Variants in FUBP3 observed in about 807,000 individuals in gnomAD.
FUBP3 encodes the protein far upstream element binding protein 3.
Under a neutral mutation model 85.6 loss-of-function variants are expected in FUBP3, and 28 were observed. The observed-to-expected ratio is 0.33, with a 90% CI of 0.24 to 0.45. FUBP3 has a LOEUF of 0.45. Among genes scored for constraint, FUBP3 ranks in the 20% least tolerant of loss-of-function variants. The pLI, the probability that FUBP3 is intolerant of heterozygous loss-of-function variation, is 1.00. For missense variants in FUBP3, 583 were observed against 755.1 expected, an observed-to-expected ratio of 0.77 and a Z score of 2.67; for synonymous variants, 271 against 271.4, an observed-to-expected ratio of 1.00 and a Z score of 0.01.
At chr9:130,587,767 C>G (rs1830417324) in intron 1 of FUBP3, among the ~76,000 whole-genome samples, 1 of 152,118 alleles carries the variant, frequency 6.6e-6, no homozygotes, top group African/African-American at 2.4e-5. Flanking sequence ...GACTCTTTGT[C>G]TTAAGGGTAC....
In FUBP3 at chr9:130,612,426, A is replaced by T. The variant is rs768616631; in HGVS notation, c.225-30A>T. On this transcript the variant is annotated intron_variant, in intron 3 of 18. Transcript: ENST00000319725. The surrounding 1 kb of genome is among the most constrained non-coding windows in gnomAD (Gnocchi z 4.1). Reference sequence around the variant, plus strand: ...ATGGCTGCAAAAGTCTGTATTCTGTATTTTTTTCCAAAATGTTCTTTGTTT... The same window carrying T: ...ATGGCTGCAAAAGTCTGTATTCTGTTTTTTTTTCCAAAATGTTCTTTGTTT... The T allele has an allele frequency of 6.8e-7, 1 of 1,467,740 alleles. No homozygotes were observed. Among genetic ancestry groups the T allele is most frequent in the Non-Finnish European group, 9.5e-7 (1 of 1,052,180 alleles). The allele number at this position is 1,467,740 out of a possible 1,614,324, so 90.9% of individuals were successfully genotyped here.
chr9:130,599,846 G>A (rs1831064856), intron 2 of FUBP3, among the ~76,000 whole-genome samples: 1 of 152,052 alleles, frequency 6.6e-6, no homozygotes, highest in African/African-American at 2.4e-5. Flanking sequence ...AGTAACCAGG[G>A]AGGTGCAGAT....
chr9:130,588,053 A>G (rs1830429400), intron 1 of FUBP3, among the ~76,000 whole-genome samples: 1 of 152,212 alleles, frequency 6.6e-6, no homozygotes, highest in Non-Finnish European at 1.5e-5. Flanking sequence ...CCCATCTCTG[A>G]TGACAACAAT....
Position 130,632,187 on chromosome 9 carries a change from T to G in FUBP3, c.1434-15T>G. 6.2e-7 allele frequency: 1 copy of G among 1,610,490 alleles called. No individual in the cohort carries two copies. The highest frequency in any genetic ancestry group is 8.5e-7 in the Non-Finnish European group (1 of 1,176,700). On this transcript the variant is annotated splice_polypyrimidine_tract_variant and intron_variant, in intron 15 of 18. Coordinates refer to ENST00000319725, the MANE Select transcript of FUBP3 (RefSeq NM_003934.2). ...TGCCCCCTATAGGAACGAGTGACCC[T>G]CTTGTTATCCACAGTGGTCCTCCGG...
Position 130,588,821 on chromosome 9 carries a change from G to A in FUBP3, c.85-6662G>A, listed in dbSNP as rs1830460275. Among the ~76,000 whole-genome samples the A allele has an allele frequency of 3.9e-5, 6 of 152,310 alleles. 1 individual carries two copies. The South Asian group carries it at 1.2e-3, about 32-fold the overall frequency. ...GCCCATGACTCCAAACCTGTCTTAG[G>A]AACTTGTTCTTTGCCACAGGGCTAC... On this transcript the variant is annotated intron_variant, in intron 1 of 18. Coordinates refer to ENST00000319725, the MANE Select transcript of FUBP3 (RefSeq NM_003934.2).
rs758746250 is a variant in FUBP3, at chr9:130,595,542, C to G, written c.144C>G (p.Pro48=). ...ATAATTCCACACCTCTAGTGGACCCCTCAGTATATGGATACGGAGTACAAA... is the reference window on the plus strand; with the variant it reads ...ATAATTCCACACCTCTAGTGGACCCGTCAGTATATGGATACGGAGTACAAA... The part of the protein sequence containing the change: ...HLNNSTPLVD[P]SVYGYGVQKR... Residue 48 remains proline (P), a synonymous_variant, in exon 2 of 19, where the codon CCC becomes CCG. Coordinates refer to ENST00000319725, the MANE Select transcript of FUBP3 (RefSeq NM_003934.2). The G allele has an allele frequency of 3.1e-6, 5 of 1,591,690 alleles. No homozygotes were observed. The African/African-American group carries it at 5.4e-5, about 17-fold the overall frequency.
In FUBP3 at chr9:130,579,630, G is replaced by GCGGCGGCGT. The variant is rs537586454; in HGVS notation, c.-33_-25dup. On this transcript the variant is annotated 5_prime_UTR_variant, in exon 1 of 19. Transcript: ENST00000319725. Reference sequence around the variant, plus strand: ...GCGGGAGGCCGGACCGGGGAGCCGAGCGGCGGCGTCGGCGGCGTCGGCGGC... The same window carrying GCGGCGGCGT: ...GCGGGAGGCCGGACCGGGGAGCCGAGCGGCGGCGTCGGCGGCGTCGGCGGCGTCGGCGGC... 2.1e-4 allele frequency: 233 copies of GCGGCGGCGT among 1,121,110 alleles called. No homozygotes were observed. Among genetic ancestry groups the GCGGCGGCGT allele is most frequent in the Middle Eastern group, 6.6e-4 (2 of 3,014 alleles). 69.4% of individuals were successfully genotyped at this position (1,121,110 alleles called of 1,614,324 possible).
At chr9:130,604,419 CAT>C (rs1290130389) in intron 2 of FUBP3, among the ~76,000 whole-genome samples, 5 of 152,174 alleles carry the variant, frequency 3.3e-5, no homozygotes, top group Non-Finnish European at 5.9e-5. Flanking sequence ...AGTACTTAAA[CAT>C]GTGGACTTCA....
intron 3 of FUBP3, among the ~76,000 whole-genome samples, chr9:130,610,465 T>C (rs1831683731): frequency 6.6e-6 from 1 of 152,136 alleles, no homozygotes; most frequent in African/African-American, 2.4e-5. Context: ...CCTTCCGAAG[T>C]GGTAGGGACT....
intron 2 of FUBP3, among the ~76,000 whole-genome samples, chr9:130,603,347 C>CAA (rs34850259): frequency 0.055 from 4,622 of 83,348 alleles, 210 homozygotes; most frequent in African/African-American, 0.07. Flanking sequence ...ACTCTGTCTC[C>CAA]AAAAAAAAAA....
intron 8 of FUBP3, 52 bp downstream of exon 8, chr9:130,617,947 G>C (rs760852200): frequency 1.2e-6 from 1 of 815,618 alleles, no homozygotes; most frequent in South Asian, 1.6e-5. Flanking sequence ...GCTATCACTC[G>C]GTGGTACCCT....
In FUBP3 at chr9:130,636,113, A is replaced by G. The variant is rs749914453; in HGVS notation, c.1697A>G (p.Gln566Arg). 5 of 1,613,278 alleles carry G rather than the reference A, an allele frequency of 3.1e-6. No individual in the cohort carries two copies. In the Admixed American group the frequency reaches 5.0e-5, roughly 16 times the overall value. Residue 566 changes from glutamine (Q) to arginine (R), a missense_variant, in exon 18 of 19, where the codon CAG becomes CGG. This residue lies in a region of FUBP3 where 404 missense variants were observed against 516.8 expected (regional missense o/e 0.78). Transcript: ENST00000319725. ...TACGGACAGACGTTAGGGCAGGCGC[A>G]GGCCCACAGCCAGGTCTGTAGCTGA... ...AFYGQTLGQA[Q>R]AHSQEQ
At chr9:130,631,394 G>T (rs1327980510) in intron 13 of FUBP3, 163 bp from the exon 14 acceptor site, 4 of 1,325,240 alleles carry the variant, frequency 3.0e-6, no homozygotes, top group Non-Finnish European at 4.0e-6. Flanking sequence ...CATTTCTGCA[G>T]CGCAGCCTGC....
chr9:130,598,044 G>A (rs562886020), intron 2 of FUBP3, among the ~76,000 whole-genome samples: 1 of 152,328 alleles, frequency 6.6e-6, no homozygotes, highest in East Asian at 1.9e-4. Flanking sequence ...ATCAAAACAA[G>A]TAAGTGAAAA....
chr9:130,604,397 C>T (rs1417358621), intron 2 of FUBP3, among the ~76,000 whole-genome samples: 2 of 152,082 alleles, frequency 1.3e-5, no homozygotes, highest in Non-Finnish European at 2.9e-5. Flanking sequence ...GTCTCATGTG[C>T]CATAATAGTA....
intron 1 of FUBP3, among the ~76,000 whole-genome samples, chr9:130,589,665 GTA>G (rs1253057107): frequency 2.0e-4 from 11 of 55,686 alleles, no homozygotes; most frequent in Non-Finnish European, 2.8e-4. Context: ...AAATATGTAT[GTA>G]TGTGTGTGTA....
chr9:130,596,550 C>G (rs1830878776), intron 2 of FUBP3: 1 of 211,610 alleles, frequency 4.7e-6, no homozygotes, highest in Admixed American at 6.1e-5. Flanking sequence ...TGGGATCACA[C>G]TCTGCTCAGG....
chr9:130,614,897 C>T (rs1207552947), intron 6 of FUBP3, among the ~76,000 whole-genome samples: 2 of 152,210 alleles, frequency 1.3e-5, no homozygotes, highest in Non-Finnish European at 2.9e-5. Context: ...TACCCTGTTA[C>T]TCACATACTC....
chr9:130,617,178 A>G (rs1832049966), intron 7 of FUBP3, among the ~76,000 whole-genome samples: 1 of 152,226 alleles, frequency 6.6e-6, no homozygotes, highest in Admixed American at 6.5e-5. Flanking sequence ...ATACACTCAG[A>G]GAAAGGCAAA....
Sources: gnomAD v4.1 joint callset for allele counts (sites outside exome capture counted in the v4.1 genomes callset) on GRCh38, gnomAD v4.1.1 for gene constraint, gnomAD v4.1.1 regional missense constraint, Gnocchi (gnomAD v3.1) non-coding constraint, MANE v1.5 for transcripts, NCBI Gene and HGNC (gene_info 2026-07-23, HGNC 2026-07-21) for gene names.